The following BRSK2 variants were observed in gnomAD, a reference collection of about 807,000 sequenced individuals.
BRSK2 encodes the protein serine/threonine-protein kinase BRSK2.
Under a neutral mutation model 83.3 loss-of-function variants are expected in BRSK2, and 19 were observed. The observed-to-expected ratio is 0.23, with a 90% confidence interval of 0.16 to 0.33. BRSK2 has a LOEUF of 0.33. Ranked by LOEUF, BRSK2 falls within the 10% of genes least tolerant of loss-of-function variation. The pLI is 1.00. For missense variants in BRSK2, 798 were observed against 1,042.3 expected (o/e 0.77, Z 3.23); for synonymous variants, 519 against 435.4 (o/e 1.19, Z -2.39).
rs954082333 is a variant in BRSK2, at chr11:1,449,911, G to T, written c.1287+75G>T. On this transcript the variant is annotated intron_variant, in intron 13 of 19. Coordinates refer to ENST00000528841, the MANE Select transcript of BRSK2 (RefSeq NM_001256627.2). ...CCTCCCAGTCAGCGTGTGCCAGGGTGGGGGCAGCCTCGCGGACCCTGGGAA... is the reference window on the plus strand; with the variant it reads ...CCTCCCAGTCAGCGTGTGCCAGGGTTGGGGCAGCCTCGCGGACCCTGGGAA... 61 of 1,228,844 alleles carry T rather than the reference G, an allele frequency of 5.0e-5. No individual in the cohort carries two copies. In the South Asian group the frequency reaches 7.5e-4, roughly 15 times the overall value. 76.1% of individuals were successfully genotyped at this position (1,228,844 alleles called of 1,614,324 possible).
chr11:1,441,093 C>T (rs1458903829), intron 4 of BRSK2, among the ~76,000 whole-genome samples, 165 bp downstream of exon 4: 5 of 146,160 alleles, frequency 3.4e-5, no homozygotes, highest in Non-Finnish European at 7.6e-5. Context: ...TCCTCCTCCC[C>T]ATTAGCTGCC....
At chr11:1,440,453 C>T (rs118005515) in intron 3 of BRSK2, among the ~76,000 whole-genome samples, 3,928 of 152,206 alleles carry the variant, frequency 0.026, 62 homozygotes, top group Non-Finnish European at 0.033. Context: ...ATGCACCGAG[C>T]CTTGGCCCCA....
At chr11:1,457,410 A>G (rs1332130278) in intron 18 of BRSK2, among the ~76,000 whole-genome samples, 4 of 151,984 alleles carry the variant, frequency 2.6e-5, no homozygotes, top group African/African-American at 7.2e-5. Context: ...GGGCTCACAC[A>G]GGGGAGGGTT....
intron 1 of BRSK2, among the ~76,000 whole-genome samples, chr11:1,399,943 G>A (rs1261734047): frequency 1.3e-5 from 2 of 152,026 alleles, no homozygotes; most frequent in Non-Finnish European, 2.9e-5. Flanking sequence ...GGCGAGCACC[G>A]CCTGTAGCCG....
chr11:1,450,117 G>A (rs1268214059), intron 13 of BRSK2, among the ~76,000 whole-genome samples: 5 of 148,696 alleles, frequency 3.4e-5, no homozygotes, highest in East Asian at 2.1e-4. Flanking sequence ...TCCCGCTCCC[G>A]CCTGTTTCTT....
chr11:1,438,542 G>T lies in BRSK2; in HGVS notation c.272+151G>T. On this transcript the variant is annotated intron_variant, in intron 3 of 19. Coordinates refer to ENST00000528841, the MANE Select transcript of BRSK2 (RefSeq NM_001256627.2). This position sits in a 1 kb window ranked among gnomAD's most constrained non-coding sequence, Gnocchi z 6.4. ...CCTGGCCCTGCTAGCATGAACACCTGCCTGGGTAGGGTCTCAGCCCAGGCT... is the reference window on the plus strand; with the variant it reads ...CCTGGCCCTGCTAGCATGAACACCTTCCTGGGTAGGGTCTCAGCCCAGGCT... 1.5e-6 allele frequency: 1 copy of T among 685,248 alleles called. No individual in the cohort carries two copies. The highest frequency in any genetic ancestry group is 1.8e-5 in the South Asian group (1 of 55,126). The allele number at this position is 685,248 out of a possible 1,614,324, so 42.4% of individuals were successfully genotyped here.
rs577166242 is a variant in BRSK2 at position 1,421,580 on chromosome 11, C to T, written c.92-14460C>T. Among the ~76,000 whole-genome samples, 38 of 152,304 alleles carry T rather than the reference C, an allele frequency of 2.5e-4. 2 individuals carry two copies. The South Asian group carries it at 6.0e-3, about 24-fold the overall frequency. Reference sequence around the variant, plus strand: ...GTGAGCAGTTGTCTCCCAAGAGATGCGCCGCCCCTTCCCTCTGCACCTGGC... The same window carrying T: ...GTGAGCAGTTGTCTCCCAAGAGATGTGCCGCCCCTTCCCTCTGCACCTGGC... On this transcript the variant is annotated intron_variant, in intron 1 of 19. Coordinates refer to ENST00000528841, the MANE Select transcript of BRSK2 (RefSeq NM_001256627.2).
chr11:1,396,271 C>G (rs1056296710), intron 1 of BRSK2, among the ~76,000 whole-genome samples: 3 of 116,088 alleles, frequency 2.6e-5, no homozygotes, highest in East Asian at 2.5e-4. Context: ...TTCCCTTCCA[C>G]CCACGTCCCC....
Position 1,460,903 on chromosome 11 carries a change from C to G in BRSK2, c.*180C>G, listed in dbSNP as rs1283641207. Reference sequence around the variant, plus strand: ...GTGGGCTGCGCCACCCGCGCCCGCTCTCTTTTCTCTCTGTCTCTGCCTCTG... The same window carrying G: ...GTGGGCTGCGCCACCCGCGCCCGCTGTCTTTTCTCTCTGTCTCTGCCTCTG... On this transcript the variant is annotated 3_prime_UTR_variant, in exon 20 of 20. Transcript: ENST00000528841. 6.2e-7 allele frequency: 1 copy of G among 1,609,486 alleles called. No individual in the cohort carries two copies. Among genetic ancestry groups the G allele is most frequent in the South Asian group, 1.1e-5 (1 of 90,496 alleles).
intron 1 of BRSK2, among the ~76,000 whole-genome samples, chr11:1,398,898 C>T (rs935372346): frequency 2.0e-5 from 3 of 152,188 alleles, no homozygotes; most frequent in Non-Finnish European, 4.4e-5. Context: ...CCAGCCCCTC[C>T]GCTTATCTTT....
Position 1,460,745 on chromosome 11 carries a change from G to A in BRSK2, c.*22G>A, listed in dbSNP as rs1475464406. 1.0e-5 allele frequency: 13 copies of A among 1,245,860 alleles called. No homozygotes were observed. Among genetic ancestry groups the A allele is most frequent in the East Asian group, 3.2e-5 (1 of 31,596 alleles). The allele number at this position is 1,245,860 out of a possible 1,614,324, so 77.2% of individuals were successfully genotyped here. On this transcript the variant is annotated 3_prime_UTR_variant, in exon 20 of 20. Coordinates refer to ENST00000528841, the MANE Select transcript of BRSK2 (RefSeq NM_001256627.2). ...TTAGACACACTAGCCCCCCCCCCCA[G>A]CACAGCACTGACAGCGGCTGCCTCG...
At chr11:1,427,611 G>A (rs552709702) in intron 1 of BRSK2, among the ~76,000 whole-genome samples, 43 of 152,242 alleles carry the variant, frequency 2.8e-4, no homozygotes, top group Non-Finnish European at 4.6e-4. Flanking sequence ...GGGGCCTGGC[G>A]TGAGCTGCTG....
intron 1 of BRSK2, among the ~76,000 whole-genome samples, chr11:1,435,014 G>C (rs568882912): frequency 1.3e-5 from 2 of 151,784 alleles, no homozygotes; most frequent in East Asian, 2.0e-4. Context: ...AGGCGCGGAG[G>C]GGGACCGGGA....
intron 1 of BRSK2, among the ~76,000 whole-genome samples, chr11:1,391,143 C>T (rs913692751): frequency 6.6e-6 from 1 of 152,224 alleles, no homozygotes; most frequent in Non-Finnish European, 1.5e-5. Flanking sequence ...AACCCAGCTA[C>T]CCTCGCATGT....
chr11:1,442,852 ACT>A, intron 5 of BRSK2, among the ~76,000 whole-genome samples: 1 of 152,014 alleles, frequency 6.6e-6, no homozygotes, highest in African/African-American at 2.4e-5. Context: ...GCTGGGACCC[ACT>A]TACATGCCCC....
chr11:1,411,134 G>T (rs1475988756), intron 1 of BRSK2: 6 of 1,213,994 alleles, frequency 4.9e-6, no homozygotes, highest in Middle Eastern at 3.2e-4. Flanking sequence ...ATCCTCAGGG[G>T]CCTAGGGTGG....
Position 1,461,217 on chromosome 11 carries a change from C to CAAG in BRSK2, c.*497_*499dup, listed in dbSNP as rs1042252704. 2 of 631,584 alleles carry CAAG rather than the reference C, an allele frequency of 3.2e-6. No homozygotes were observed. Among genetic ancestry groups the CAAG allele is most frequent in the Admixed American group, 3.3e-5 (1 of 30,632 alleles). The allele number at this position is 631,584 out of a possible 1,614,324, so 39.1% of individuals were successfully genotyped here. On this transcript the variant is annotated 3_prime_UTR_variant, in exon 20 of 20. Transcript: ENST00000528841. ...GACTCCCGGTCACCTGACCCCTCAG[C>CAAG]AAGAACAGCCTGCCTGGTGGCCTTC...
chr11:1,460,888 C>A lies in BRSK2; in HGVS notation c.*165C>A, dbSNP rs1040794590. The stretch of plus-strand genomic sequence containing the variant: ...CGTTGGGGCCGGCCTGTGGGCTGCG[C>A]CACCCGCGCCCGCTCTCTTTTCTCT... On this transcript the variant is annotated 3_prime_UTR_variant, in exon 20 of 20. Transcript: ENST00000528841. 2 of 1,599,686 alleles carry A rather than the reference C, an allele frequency of 1.3e-6. No homozygotes were observed. Among genetic ancestry groups the A allele is most frequent in the Admixed American group, 1.7e-5 (1 of 58,528 alleles).
In BRSK2 at chr11:1,460,923, C is replaced by T; in HGVS notation, c.*200C>T. The T allele has an allele frequency of 7.4e-6, 12 of 1,610,938 alleles. No homozygotes were observed. Among genetic ancestry groups the T allele is most frequent in the Non-Finnish European group, 1.0e-5 (12 of 1,178,758 alleles). ...CCGCTCTCTTTTCTCTCTGTCTCTG[C>T]CTCTGCCTGTCTCTGACAGCATCGC... On this transcript the variant is annotated 3_prime_UTR_variant, in exon 20 of 20. Coordinates refer to ENST00000528841, the MANE Select transcript of BRSK2 (RefSeq NM_001256627.2).
Sources: gnomAD v4.1 joint callset for allele counts (sites outside exome capture counted in the v4.1 genomes callset) on GRCh38, gnomAD v4.1.1 for gene constraint, Gnocchi (gnomAD v3.1) non-coding constraint, MANE v1.5 for transcripts, NCBI Gene and HGNC (gene_info 2026-07-23, HGNC 2026-07-21) for gene names.